MIB1: variants seen among roughly 807,000 people sequenced by gnomAD.
MIB1 encodes the protein E3 ubiquitin-protein ligase MIB1.
Under a neutral mutation model 124.5 loss-of-function variants are expected in MIB1, and 278 were observed. The observed-to-expected ratio is 2.23, with a 90% CI of 2.02 to 2.47. MIB1 has a LOEUF of 2.47. Ranked by LOEUF, MIB1 falls within the 30% of genes most tolerant of loss-of-function variation. MIB1 has a pLI of 0.00. For missense variants in MIB1, 957 were observed against 1,254.4 expected (o/e 0.76, Z 3.58); for synonymous variants, 446 against 429.4 (o/e 1.04, Z -0.48).
chr18:21,844,250 C>T lies in MIB1; in HGVS notation c.2208C>T (p.Asn736=), dbSNP rs375904414. 11 of 1,613,992 alleles carry T rather than the reference C, an allele frequency of 6.8e-6. No individual in the cohort carries two copies. In the African/African-American group the frequency reaches 1.5e-4, roughly 22 times the overall value. The change falls in exon 15 of 21, where the codon AAC becomes AAT. Residue 736 remains asparagine, a synonymous_variant. Coordinates refer to ENST00000261537, the MANE Select transcript of MIB1 (RefSeq NM_020774.4). ...KVDAAWEPSK[N]TLIMGLGTQG... is the part of the protein sequence containing the mutation. ...ATGCTGCCTGGGAGCCATCCAAAAA[C>T]ACGGTGAGTAAAGATCATCTTTCAT...
At chr18:21,727,081 G>A (rs752656956) in intron 1 of MIB1, among the ~76,000 whole-genome samples, 14 of 152,102 alleles carry the variant, frequency 9.2e-5, no homozygotes, top group Non-Finnish European at 1.9e-4. Context: ...GTGGGCATTG[G>A]AAAGTAAACC....
intron 13 of MIB1, among the ~76,000 whole-genome samples, chr18:21,840,668 T>A (rs1598637489): frequency 4.6e-4 from 1 of 2,190 alleles, no homozygotes; most frequent in African/African-American, 5.6e-4. Flanking sequence ...TATATATATT[T>A]TTTTTTTTTT....
At chr18:21,719,970 T>G (rs1433643973) in intron 1 of MIB1, among the ~76,000 whole-genome samples, 1 of 152,138 alleles carries the variant, frequency 6.6e-6, no homozygotes, top group Non-Finnish European at 1.5e-5. Flanking sequence ...ATATGAGATA[T>G]CTAAGAATAA....
Position 21,859,636 on chromosome 18 carries a change from C to T in MIB1, c.2880+990C>T, listed in dbSNP as rs577484118. Among the ~76,000 whole-genome samples, 13 of 152,070 alleles carry T rather than the reference C, an allele frequency of 8.5e-5. No individual in the cohort carries two copies. In the East Asian group the frequency reaches 1.9e-3, roughly 23 times the overall value. On this transcript the variant is annotated intron_variant, in intron 20 of 20. Coordinates refer to ENST00000261537, the MANE Select transcript of MIB1 (RefSeq NM_020774.4). Reference sequence around the variant, plus strand: ...GGGCGTGGTGGCTCATGCCTGTAATCCCAGCACTTTGGGAGGCTGAGGCGA... The same window carrying T: ...GGGCGTGGTGGCTCATGCCTGTAATTCCAGCACTTTGGGAGGCTGAGGCGA...
chr18:21,753,482 C>T (rs1364098581), intron 1 of MIB1, among the ~76,000 whole-genome samples: 1 of 152,018 alleles, frequency 6.6e-6, no homozygotes, highest in Non-Finnish European at 1.5e-5. Flanking sequence ...CCATCATGCC[C>T]AGCCTGAAAA....
intron 6 of MIB1, among the ~76,000 whole-genome samples, chr18:21,783,539 G>A (rs1200901763): frequency 2.6e-5 from 4 of 151,114 alleles, no homozygotes; most frequent in East Asian, 2.0e-4. Context: ...CGCTGTGCCC[G>A]GCCTCACTCT....
intron 1 of MIB1, among the ~76,000 whole-genome samples, chr18:21,713,333 C>T (rs2040673812): frequency 6.6e-6 from 1 of 151,778 alleles, no homozygotes; most frequent in African/African-American, 2.4e-5. Flanking sequence ...AACTCTGGGC[C>T]AGGCGCGGTG....
chr18:21,741,871 T>A lies in MIB1; in HGVS notation c.229+59T>A. The A allele has an allele frequency of 7.0e-7, 1 of 1,424,950 alleles. No homozygotes were observed. The allele number at this position is 1,424,950 out of a possible 1,614,324, so 88.3% of individuals were successfully genotyped here. On this transcript the variant is annotated intron_variant, in intron 1 of 20. Transcript: ENST00000261537. This position sits in a 1 kb window ranked among gnomAD's most constrained non-coding sequence, Gnocchi z 5.4. ...CGCGGGGGGAAGGGGCGAGCTGCGG[T>A]GGGCGTCGGTGTCGCGGGGAGAGGT...
chr18:21,820,377 T>G (rs962772267), intron 12 of MIB1, among the ~76,000 whole-genome samples: 1 of 152,246 alleles, frequency 6.6e-6, no homozygotes, highest in Non-Finnish European at 1.5e-5. Context: ...GATTTTTATT[T>G]TGATAATTTT....
chr18:21,736,911 G>A (rs71358441), upstream of MIB1, among the ~76,000 whole-genome samples: 3,417 of 152,262 alleles, frequency 0.022, 61 homozygotes, highest in East Asian at 0.07. Context: ...TGAAAGTGAC[G>A]GGGAGAATGG....
chr18:21,870,531 A>G lies in MIB1; in HGVS notation c.*5865A>G, dbSNP rs911997288. 9 of 152,238 alleles carry G rather than the reference A, an allele frequency of 5.9e-5. No individual in the cohort carries two copies. The East Asian group carries it at 1.3e-3, about 23-fold the overall frequency. 9.4% of individuals were successfully genotyped at this position (152,238 alleles called of 1,614,324 possible). ...CAGTCTGGAAGATTCAGCTTTTTCT[A>G]TAAAAAGCTTATTCCTCTTCACAAC... is the stretch of plus-strand genomic sequence containing the variant. On this transcript the variant is annotated 3_prime_UTR_variant, in exon 21 of 21. Coordinates refer to ENST00000261537, the MANE Select transcript of MIB1 (RefSeq NM_020774.4).
In MIB1 at chr18:21,765,826, G is replaced by T. The variant is rs1178939143; in HGVS notation, c.284G>T (p.Gly95Val). The T allele has an allele frequency of 6.2e-7, 1 of 1,614,152 alleles. No homozygotes were observed. Among genetic ancestry groups the T allele is most frequent in the East Asian group, 2.2e-5 (1 of 44,882 alleles). ...ACCTGCCGCCAGCAACCAATCATTG[G>T]CATTCGATGGAAGTGTGCAGAGTGT... ...CDTCRQQPIIGIRWKCAECTN... is the reference protein window; with the variant it reads ...CDTCRQQPIIVIRWKCAECTN... The change falls in exon 2 of 21, where the codon GGC becomes GTC. Residue 95 changes from glycine (G) to valine (V), a missense_variant. Transcript: ENST00000261537.
chr18:21,834,922 G>A (rs1031039406), intron 12 of MIB1, among the ~76,000 whole-genome samples: 16 of 152,190 alleles, frequency 1.1e-4, no homozygotes, highest in Non-Finnish European at 1.8e-4. Flanking sequence ...TAAAATGTTA[G>A]TAACAAGGAT....
At chr18:21,786,238 A>G (rs1169563433) in intron 6 of MIB1, among the ~76,000 whole-genome samples, 1 of 151,956 alleles carries the variant, frequency 6.6e-6, no homozygotes, top group Non-Finnish European at 1.5e-5. Context: ...CTGGGACTAC[A>G]GGCGCCTGCC....
intron 1 of MIB1, among the ~76,000 whole-genome samples, chr18:21,717,323 G>C (rs1383719505): frequency 6.6e-6 from 1 of 152,074 alleles, no homozygotes; most frequent in Non-Finnish European, 1.5e-5. Context: ...ACCCTTCTAG[G>C]CATTGGCTTA....
In MIB1 at chr18:21,869,752, G is replaced by A. The variant is rs1004848626; in HGVS notation, c.*5086G>A. 2 of 152,060 alleles carry A rather than the reference G, an allele frequency of 1.3e-5. No homozygotes were observed. Among genetic ancestry groups the A allele is most frequent in the Non-Finnish European group, 2.9e-5 (2 of 67,812 alleles). 9.4% of individuals were successfully genotyped at this position (152,060 alleles called of 1,614,324 possible). A position where few individuals can be genotyped will look rare whatever the true frequency, so the allele number is the denominator to read the frequency against. Reference sequence around the variant, plus strand: ...GTTTGCTATTTTAGTATGAAAGGAGGATCTGTTTGGGAAACATAGATTGTC... The same window carrying A: ...GTTTGCTATTTTAGTATGAAAGGAGAATCTGTTTGGGAAACATAGATTGTC... On this transcript the variant is annotated 3_prime_UTR_variant, in exon 21 of 21. Transcript: ENST00000261537.
chr18:21,748,633 G>A (rs543743128), intron 1 of MIB1, among the ~76,000 whole-genome samples: 77 of 150,320 alleles, frequency 5.1e-4, no homozygotes, highest in African/African-American at 1.8e-3. Context: ...GTCCTGCCGT[G>A]TTGCCCAGGT....
intron 1 of MIB1, among the ~76,000 whole-genome samples, chr18:21,765,164 G>A (rs1877027150): frequency 6.6e-6 from 1 of 152,104 alleles, no homozygotes; most frequent in South Asian, 2.1e-4. Flanking sequence ...TTTACCAAGT[G>A]TTTATTTTTT....
intron 13 of MIB1, among the ~76,000 whole-genome samples, chr18:21,839,886 A>G (rs1208092906): frequency 1.3e-5 from 2 of 152,046 alleles, no homozygotes; most frequent in East Asian, 3.9e-4. Context: ...CTTTTTGCGG[A>G]TGTTATTATA....
Sources: allele counts gnomAD v4.1 joint callset (sites outside exome capture counted in the v4.1 genomes callset), GRCh38; gene constraint gnomAD v4.1.1; non-coding constraint Gnocchi (gnomAD v3.1); transcripts MANE v1.5; gene names NCBI Gene and HGNC (gene_info 2026-07-23, HGNC 2026-07-21).